The following RSRC1 variants were observed in gnomAD, a reference collection of about 807,000 sequenced individuals.
The protein encoded by RSRC1 is serine/Arginine-related protein 53.
In RSRC1, 39 loss-of-function variants were observed where a neutral mutation model predicts 49.1. The observed-to-expected ratio is 0.79, with a 90% confidence interval of 0.61 to 1.04. RSRC1 has a LOEUF of 1.04. RSRC1 is among the 50% of genes least tolerant of loss of function. The pLI, the probability that RSRC1 is intolerant of heterozygous loss-of-function variation, is 0.00. For missense variants in RSRC1, 388 were observed against 402.4 expected, an observed-to-expected ratio of 0.96 and a Z score of 0.31; for synonymous variants, 143 against 130.8, an observed-to-expected ratio of 1.09 and a Z score of -0.63.
chr3:158,176,957 C>T (rs2108246003), intron 3 of RSRC1, among the ~76,000 whole-genome samples: 1 of 152,004 alleles, frequency 6.6e-6, no homozygotes, highest in Middle Eastern at 3.4e-3. Context: ...AAGAAAAAAA[C>T]AACCCCATCC....
chr3:158,276,905 C>T (rs562660892), intron 4 of RSRC1, among the ~76,000 whole-genome samples: 1 of 152,212 alleles, frequency 6.6e-6, no homozygotes, highest in South Asian at 2.1e-4. Flanking sequence ...TCCTATCCCC[C>T]CATTTCCTAA....
chr3:158,127,756 G>GTT (rs34766107), intron 3 of RSRC1, among the ~76,000 whole-genome samples: 1,558 of 81,168 alleles, frequency 0.019, 36 homozygotes, highest in African/African-American at 0.07. Flanking sequence ...CTGCTTTGTG[G>GTT]TTTTTTTTTT....
intron 4 of RSRC1, among the ~76,000 whole-genome samples, chr3:158,278,213 C>G (rs1432868691): frequency 6.6e-6 from 1 of 152,216 alleles, no homozygotes; most frequent in Non-Finnish European, 1.5e-5. Flanking sequence ...GTTGACACTT[C>G]TGATTAAATA....
chr3:158,231,396 A>G (rs1722944718), intron 4 of RSRC1, among the ~76,000 whole-genome samples: 1 of 151,936 alleles, frequency 6.6e-6, no homozygotes, highest in Non-Finnish European at 1.5e-5. Context: ...TCTGCCTCCC[A>G]TATCGCTGGG....
In RSRC1 at chr3:158,187,577, T is replaced by C. The variant is rs73027916; in HGVS notation, c.321-15495T>C. Reference sequence around the variant, plus strand: ...TAGGAATATACAAGCAACCCCTCTTTACAAACACTTGATCTGCAGCAAGTA... The same window carrying C: ...TAGGAATATACAAGCAACCCCTCTTCACAAACACTTGATCTGCAGCAAGTA... On this transcript the variant is annotated intron_variant, in intron 3 of 9. Transcript: ENST00000611884. 2.2e-3 allele frequency among the ~76,000 whole-genome samples: 338 copies of C among 152,118 alleles called. 1 individual carries two copies. Among genetic ancestry groups the C allele is most frequent in the African/African-American group, 7.7e-3 (320 of 41,550 alleles).
chr3:158,192,872 T>C (rs1720328786), intron 3 of RSRC1, among the ~76,000 whole-genome samples: 1 of 152,086 alleles, frequency 6.6e-6, no homozygotes, highest in Non-Finnish European at 1.5e-5. Flanking sequence ...CCTTCCTATA[T>C]AAAAGATATA....
chr3:158,250,101 A>G (rs1474674128), intron 4 of RSRC1, among the ~76,000 whole-genome samples: 1 of 152,214 alleles, frequency 6.6e-6, no homozygotes, highest in Admixed American at 6.5e-5. Context: ...TTCACTTAAC[A>G]TAATGACCGC....
intron 4 of RSRC1, among the ~76,000 whole-genome samples, chr3:158,224,195 G>T (rs572529367): frequency 1.9e-3 from 288 of 151,816 alleles, no homozygotes; most frequent in Non-Finnish European, 3.1e-3. Context: ...TAAATCTCAG[G>T]TTTCTTCATC....
intron 5 of RSRC1, among the ~76,000 whole-genome samples, chr3:158,319,520 C>T (rs1396332130): frequency 6.6e-6 from 1 of 152,108 alleles, no homozygotes; most frequent in Admixed American, 6.5e-5. Context: ...AGCAAGCCCT[C>T]AAATATGTGA....
intron 6 of RSRC1, among the ~76,000 whole-genome samples, chr3:158,414,786 ACT>A: frequency 6.6e-6 from 1 of 152,136 alleles, no homozygotes; most frequent in Admixed American, 6.6e-5. Flanking sequence ...ATATAGAAAC[ACT>A]CTTACAATTA....
At chr3:158,506,175 G>A (rs900653156) in intron 7 of RSRC1, among the ~76,000 whole-genome samples, 2 of 152,076 alleles carry the variant, frequency 1.3e-5, no homozygotes, top group African/African-American at 2.4e-5. Context: ...TTACAGAATG[G>A]CAGAAAATAT....
intron 3 of RSRC1, among the ~76,000 whole-genome samples, chr3:158,174,526 A>G (rs1315148668): frequency 6.6e-6 from 1 of 151,970 alleles, no homozygotes; most frequent in African/African-American, 2.4e-5. Flanking sequence ...CACAATCATT[A>G]TTATTTCCCA....
At chr3:158,426,488 A>G (rs912860341) in intron 6 of RSRC1, among the ~76,000 whole-genome samples, 1 of 151,680 alleles carries the variant, frequency 6.6e-6, no homozygotes, top group African/African-American at 2.4e-5. Flanking sequence ...ATGTATTTTA[A>G]AAAGATGCCA....
intron 6 of RSRC1, among the ~76,000 whole-genome samples, chr3:158,369,752 C>G (rs1302807638): frequency 1.3e-4 from 19 of 151,968 alleles, no homozygotes; most frequent in Non-Finnish European, 2.5e-4. Flanking sequence ...AAAGCCAAGA[C>G]TTTGTTCTAT....
chr3:158,372,041 AGTTTTAAGAGTTT>A (rs1732105929), intron 6 of RSRC1, among the ~76,000 whole-genome samples: 1 of 137,066 alleles, frequency 7.3e-6, no homozygotes, highest in African/African-American at 2.5e-5. Flanking sequence ...TCAGTTGCTG[AGTTTTAAGAGTTT>A]GTATATTCTG....
At chr3:158,331,331 G>A (rs1729534621) in intron 5 of RSRC1, among the ~76,000 whole-genome samples, 1 of 152,170 alleles carries the variant, frequency 6.6e-6, no homozygotes, top group Non-Finnish European at 1.5e-5. Flanking sequence ...TTGTGCGTGT[G>A]AGTTTCTTAT....
At chr3:158,225,648 T>G (rs1722488895) in intron 4 of RSRC1, 1 of 448,880 alleles carries the variant, frequency 2.2e-6, no homozygotes, top group Non-Finnish European at 4.5e-6. Context: ...ATTTGGGACT[T>G]TCTCACAGAT....
At chr3:158,223,693 C>T (rs1722354063) in intron 4 of RSRC1, among the ~76,000 whole-genome samples, 1 of 151,410 alleles carries the variant, frequency 6.6e-6, no homozygotes, top group African/African-American at 2.4e-5. Context: ...CACTCCTCTG[C>T]TTAAATCCTT....
intron 6 of RSRC1, among the ~76,000 whole-genome samples, chr3:158,407,872 A>T (rs972678352): frequency 3.3e-5 from 5 of 152,168 alleles, no homozygotes; most frequent in African/African-American, 1.2e-4. Context: ...TTCCAGTCTT[A>T]CTTACAGATC....
Sources: allele counts gnomAD v4.1 joint callset (sites outside exome capture counted in the v4.1 genomes callset), GRCh38; gene constraint gnomAD v4.1.1; transcripts MANE v1.5; gene names NCBI Gene and HGNC (gene_info 2026-07-23, HGNC 2026-07-21).